Variants in FOXO3 observed in about 807,000 individuals in gnomAD.
FOXO3 encodes forkhead box O3.
FOXO3 carries 4 observed loss-of-function variants against 41.9 expected under a neutral mutation model. That is an observed-to-expected ratio of 0.10 (90% CI 0.05 to 0.22). The LOEUF is 0.22. FOXO3 is among the 10% of genes least tolerant of loss of function. The pLI, the probability that FOXO3 is intolerant of heterozygous loss-of-function variation, is 1.00. For synonymous variants in FOXO3, 318 were observed against 389.3 expected (o/e 0.82, Z 2.16); for missense variants, 534 against 906.8 (o/e 0.59, Z 5.28).
intron 1 of FOXO3, among the ~76,000 whole-genome samples, chr6:108,588,654 T>G (rs1258670215): frequency 6.6e-6 from 1 of 152,184 alleles, no homozygotes; most frequent in African/African-American, 2.4e-5. Context: ...CAAGACACAC[T>G]AAACTGTTTT....
intron 1 of FOXO3, among the ~76,000 whole-genome samples, chr6:108,642,784 C>G (rs1778295143): frequency 6.6e-6 from 1 of 152,172 alleles, no homozygotes; most frequent in South Asian, 2.1e-4. Flanking sequence ...ATCACTGAGA[C>G]TATCATTTTA....
chr6:108,630,052 C>CT (rs1252409608), intron 1 of FOXO3, among the ~76,000 whole-genome samples: 1 of 152,148 alleles, frequency 6.6e-6, no homozygotes, highest in African/African-American at 2.4e-5. Context: ...GGTCTAAACT[C>CT]TATGTTGCTC....
At chr6:108,573,931 A>G (rs910449627) in intron 1 of FOXO3, among the ~76,000 whole-genome samples, 1 of 151,608 alleles carries the variant, frequency 6.6e-6, no homozygotes, top group African/African-American at 2.4e-5. Flanking sequence ...AGGCAGGTGG[A>G]TCATGAGGTC....
At chr6:108,627,469 G>A (rs1366841868) in intron 1 of FOXO3, among the ~76,000 whole-genome samples, 1 of 152,014 alleles carries the variant, frequency 6.6e-6, no homozygotes, top group Non-Finnish European at 1.5e-5. Context: ...TAAAATAAAA[G>A]AAACAAAAGC....
chr6:108,632,165 TAGTG>T (rs933144697), intron 1 of FOXO3, among the ~76,000 whole-genome samples: 6 of 152,220 alleles, frequency 3.9e-5, no homozygotes, highest in African/African-American at 1.2e-4. Context: ...TAAAAAATAT[TAGTG>T]AGCACTGAGT....
At chr6:108,568,770 T>C (rs1199670513) in intron 1 of FOXO3, among the ~76,000 whole-genome samples, 3 of 152,190 alleles carry the variant, frequency 2.0e-5, no homozygotes, top group African/African-American at 7.2e-5. Context: ...CTAGCATCGA[T>C]GTTGATGTGA....
chr6:108,568,018 A>C (rs916385136), intron 1 of FOXO3, among the ~76,000 whole-genome samples: 1 of 151,812 alleles, frequency 6.6e-6, no homozygotes, highest in Non-Finnish European at 1.5e-5. Flanking sequence ...GTTGCACTCC[A>C]GCCTGGGTAA....
chr6:108,639,270 C>T (rs1159932787), intron 1 of FOXO3, among the ~76,000 whole-genome samples: 1 of 152,164 alleles, frequency 6.6e-6, no homozygotes, highest in Non-Finnish European at 1.5e-5. Context: ...AAAGCATAAT[C>T]TCTTTCCTGG....
At chr6:108,585,167 G>A (rs113397272) in intron 1 of FOXO3, among the ~76,000 whole-genome samples, 5,037 of 150,394 alleles carry the variant, frequency 0.033, 72 homozygotes, top group Middle Eastern at 0.096. Context: ...TCAGCCTCCC[G>A]AGTAGCTGGG....
At chr6:108,655,475 AAGG>A (rs1192288593) in intron 1 of FOXO3, among the ~76,000 whole-genome samples, 1 of 152,188 alleles carries the variant, frequency 6.6e-6, no homozygotes, top group Non-Finnish European at 1.5e-5. Flanking sequence ...ATGGAAATAT[AAGG>A]AGGAAAGACC....
intron 1 of FOXO3, among the ~76,000 whole-genome samples, chr6:108,628,073 G>A (rs192496321): frequency 6.6e-6 from 1 of 152,118 alleles, no homozygotes; most frequent in Non-Finnish European, 1.5e-5. Context: ...GCATTGTGCA[G>A]GTTTAGTGAA....
chr6:108,684,240 G>A lies in FOXO3; in HGVS notation c.*4448G>A, dbSNP rs1035103693. ...CTAGCACATTATGTACATGGGAAATGTAAACAAATGTGAAGGAGGACCAGA... is the reference window on the plus strand; with the variant it reads ...CTAGCACATTATGTACATGGGAAATATAAACAAATGTGAAGGAGGACCAGA... On this transcript the variant is annotated 3_prime_UTR_variant, in exon 3 of 3. Coordinates refer to ENST00000406360, the MANE Select transcript of FOXO3 (RefSeq NM_001455.4). 4 of 152,568 alleles carry A rather than the reference G, an allele frequency of 2.6e-5. No homozygotes were observed. The East Asian group carries it at 5.8e-4, about 22-fold the overall frequency. 9.5% of individuals were successfully genotyped at this position (152,568 alleles called of 1,614,324 possible).
At chr6:108,596,760 T>C (rs1260634323) in intron 1 of FOXO3, among the ~76,000 whole-genome samples, 1 of 152,206 alleles carries the variant, frequency 6.6e-6, no homozygotes, top group Non-Finnish European at 1.5e-5. Flanking sequence ...TAATATACAC[T>C]GTCACCCTTT....
At chr6:108,592,550 A>G (rs1325354366) in intron 1 of FOXO3, among the ~76,000 whole-genome samples, 1 of 152,226 alleles carries the variant, frequency 6.6e-6, no homozygotes, top group African/African-American at 2.4e-5. Flanking sequence ...CTTGTTAGTC[A>G]TAAGCAAGAA....
rs138060943 is a variant in FOXO3 at position 108,637,731 on chromosome 6, C to G, written c.622-25724C>G. ...CATGGCCTGGCTTTGCCTCTTCCCC[C>G]TTTTGGTCTCTTCTCTAGTAGCTTT... On this transcript the variant is annotated intron_variant, in intron 1 of 2. Coordinates refer to ENST00000406360, the MANE Select transcript of FOXO3 (RefSeq NM_001455.4). 9.3e-4 allele frequency among the ~76,000 whole-genome samples: 142 copies of G among 152,194 alleles called. 1 individual carries two copies. Among genetic ancestry groups the G allele is most frequent in the South Asian group, 8.5e-3 (41 of 4,820 alleles).
At chr6:108,609,894 AT>A (rs1288359777) in intron 1 of FOXO3, among the ~76,000 whole-genome samples, 11 of 152,322 alleles carry the variant, frequency 7.2e-5, no homozygotes, top group African/African-American at 2.6e-4. Flanking sequence ...TTTTCATTAA[AT>A]TCAGGAGATG....
intron 2 of FOXO3, among the ~76,000 whole-genome samples, chr6:108,672,902 A>T (rs1779258571): frequency 1.3e-5 from 2 of 151,620 alleles, no homozygotes; most frequent in Admixed American, 6.6e-5. Context: ...GTTTGACTTG[A>T]TTCTTCAGGG....
At chr6:108,561,889 G>A (rs1775804405) in intron 1 of FOXO3, 60 bp downstream of exon 1, 2 of 1,482,190 alleles carry the variant, frequency 1.3e-6, no homozygotes, top group African/African-American at 1.5e-5. Flanking sequence ...AGCGCGAGAC[G>A]CGTCTCGGAT....
At chr6:108,662,081 C>T (rs1386597831) in intron 1 of FOXO3, among the ~76,000 whole-genome samples, 1 of 151,944 alleles carries the variant, frequency 6.6e-6, no homozygotes, top group African/African-American at 2.4e-5. Flanking sequence ...TCCAGGATTC[C>T]ATCCAGCATA....
Sources: gnomAD v4.1 joint callset for allele counts (sites outside exome capture counted in the v4.1 genomes callset) on GRCh38, gnomAD v4.1.1 for gene constraint, MANE v1.5 for transcripts, NCBI Gene and HGNC (gene_info 2026-07-23, HGNC 2026-07-21) for gene names.